IGFBP7: variants seen among roughly 807,000 people sequenced by gnomAD.
IGFBP7 encodes the protein insulin-like growth factor-binding protein 7.
IGFBP7 carries 31 observed loss-of-function variants against 29.4 expected under a neutral mutation model. The observed-to-expected ratio is 1.05, with a 90% CI of 0.79 to 1.42. The LOEUF (loss-of-function observed/expected upper bound fraction) is 1.42. IGFBP7 is among the 40% of genes most tolerant of loss of function. The probability of loss-of-function intolerance (pLI) is 0.00; values close to 1 mark genes in which losing one functional copy is unlikely to be tolerated. For synonymous variants in IGFBP7, 172 were observed against 174.9 expected (o/e 0.98, Z 0.13); for missense variants, 393 against 395.5 (o/e 0.99, Z 0.05).
chr4:57,040,750 A>T, intron 2 of IGFBP7, 74 bp downstream of exon 2: 1 of 1,081,802 alleles, frequency 9.2e-7, no homozygotes, highest in South Asian at 1.3e-5. Flanking sequence ...TGAGGATTTA[A>T]CGTTTTACCA....
intron 1 of IGFBP7, among the ~76,000 whole-genome samples, chr4:57,092,825 T>G (rs912548741): frequency 1.3e-5 from 2 of 151,068 alleles, no homozygotes; most frequent in African/African-American, 4.8e-5. Context: ...TTCATTCAAA[T>G]TATTACAAAT....
intron 1 of IGFBP7, among the ~76,000 whole-genome samples, chr4:57,062,751 A>G (rs1185558464): frequency 6.6e-6 from 1 of 152,216 alleles, no homozygotes; most frequent in South Asian, 2.1e-4. Context: ...CTTGTATGGC[A>G]GGAATCCTAG....
chr4:57,058,192 C>T (rs1713954), intron 1 of IGFBP7, among the ~76,000 whole-genome samples: 94,532 of 152,046 alleles, frequency 0.62, 29,861 homozygotes, highest in East Asian at 0.9. Flanking sequence ...GCTAGCTTTC[C>T]TCAATGGCTT....
At chr4:57,049,031 T>C (rs940899267) in intron 1 of IGFBP7, among the ~76,000 whole-genome samples, 2 of 152,186 alleles carry the variant, frequency 1.3e-5, no homozygotes, top group African/African-American at 4.8e-5. Context: ...TTCTGAAGTC[T>C]CACTGTCTGG....
intron 1 of IGFBP7, among the ~76,000 whole-genome samples, chr4:57,078,175 T>G (rs1431250577): frequency 6.6e-6 from 1 of 152,120 alleles, no homozygotes; most frequent in Non-Finnish European, 1.5e-5. Context: ...ACCTGTTCAC[T>G]GACTGCTCAC....
intron 1 of IGFBP7, among the ~76,000 whole-genome samples, chr4:57,091,327 T>C (rs1725631028): frequency 6.6e-6 from 1 of 152,160 alleles, no homozygotes; most frequent in Non-Finnish European, 1.5e-5. Flanking sequence ...GAGTGAAGCA[T>C]ATTTATGTTT....
chr4:57,069,323 T>G (rs926971554), intron 1 of IGFBP7, among the ~76,000 whole-genome samples: 4 of 152,134 alleles, frequency 2.6e-5, no homozygotes, highest in African/African-American at 9.7e-5. Context: ...GGGTGATGGC[T>G]CATGCCTATA....
At chr4:57,040,731 A>G in intron 2 of IGFBP7, 93 bp downstream of exon 2, 1 of 948,242 alleles carries the variant, frequency 1.1e-6, no homozygotes, top group Non-Finnish European at 1.7e-6. Flanking sequence ...CGCAGTCAAC[A>G]AAGCAGGCTG....
intron 1 of IGFBP7, among the ~76,000 whole-genome samples, chr4:57,046,577 G>A (rs1026465318): frequency 3.3e-5 from 5 of 152,126 alleles, no homozygotes; most frequent in Non-Finnish European, 7.4e-5. Context: ...TTTGGATTCC[G>A]TTTAAAACAG....
At chr4:57,108,669 G>GT (rs1185090825) in intron 1 of IGFBP7, among the ~76,000 whole-genome samples, 1 of 151,898 alleles carries the variant, frequency 6.6e-6, no homozygotes. Context: ...AGCCTCCTGA[G>GT]TAGCTGTGAT....
At chr4:57,108,301 A>G (rs531605593) in intron 1 of IGFBP7, among the ~76,000 whole-genome samples, 100 of 152,310 alleles carry the variant, frequency 6.6e-4, no homozygotes, top group African/African-American at 2.3e-3. Flanking sequence ...AGCTCTAAAG[A>G]AAGAATTTGG....
intron 1 of IGFBP7, among the ~76,000 whole-genome samples, chr4:57,107,733 C>T (rs1726067920): frequency 6.6e-6 from 1 of 152,200 alleles, no homozygotes; most frequent in East Asian, 1.9e-4. Flanking sequence ...TAACATTTCC[C>T]CAAATATAAA....
At chr4:57,056,565 G>C (rs1313410716) in intron 1 of IGFBP7, among the ~76,000 whole-genome samples, 1 of 152,198 alleles carries the variant, frequency 6.6e-6, no homozygotes, top group Non-Finnish European at 1.5e-5. Flanking sequence ...TGAAATCAGG[G>C]AAATGGGGAT....
intron 1 of IGFBP7, among the ~76,000 whole-genome samples, chr4:57,087,366 C>T (rs2412787): frequency 0.93 from 142,251 of 152,318 alleles, 66,472 homozygotes; most frequent in Middle Eastern, 0.98. Context: ...CACTGCCAAC[C>T]CTTGAGTACC....
intron 1 of IGFBP7, among the ~76,000 whole-genome samples, chr4:57,104,285 C>T (rs1368288328): frequency 6.6e-6 from 1 of 152,134 alleles, no homozygotes; most frequent in African/African-American, 2.4e-5. Context: ...AGCTCTTCTC[C>T]ACCCAATTCC....
intron 1 of IGFBP7, among the ~76,000 whole-genome samples, chr4:57,105,496 G>C (rs1411443479): frequency 6.6e-6 from 1 of 152,170 alleles, no homozygotes; most frequent in African/African-American, 2.4e-5. Flanking sequence ...CTTTGATGTT[G>C]AATAATGACA....
At chr4:57,032,832 T>C (rs1367602699) in intron 3 of IGFBP7, among the ~76,000 whole-genome samples, 1 of 152,250 alleles carries the variant, frequency 6.6e-6, no homozygotes, top group African/African-American at 2.4e-5. Flanking sequence ...GCAACCTTGA[T>C]AAGGGTATAT....
rs2109813171 is a variant in IGFBP7, at chr4:57,110,215, A to G, written c.137T>C (p.Leu46Pro). 7.3e-7 allele frequency: 1 copy of G among 1,378,852 alleles called. No individual in the cohort carries two copies. The highest frequency in any genetic ancestry group is 3.1e-5 in the East Asian group (1 of 32,418). The allele number at this position is 1,378,852 out of a possible 1,614,324, so 85.4% of individuals were successfully genotyped here. A position where few individuals can be genotyped will look rare whatever the true frequency, so the allele number is the denominator to read the frequency against. The change falls in exon 1 of 5, where the codon CTG becomes CCG. Residue 46 changes from leucine (L) to proline (P), a missense_variant. Coordinates refer to ENST00000295666, the MANE Select transcript of IGFBP7 (RefSeq NM_001553.3). ...GCGGGTCTCGCCCAGCAGGCAGCCC[A>G]GCGGGGGCAGGGGCGGGCAGGAGGC... is the stretch of plus-strand genomic sequence containing the variant. ...EPASCPPLPP[L>P]GCLLGETRDA... is the part of the protein sequence containing the mutation.
intron 1 of IGFBP7, among the ~76,000 whole-genome samples, chr4:57,079,613 A>T (rs1279471061): frequency 2.0e-5 from 3 of 152,254 alleles, no homozygotes; most frequent in African/African-American, 7.2e-5. Flanking sequence ...AAGTAATAGA[A>T]AATGAAATGC....
Sources: gnomAD v4.1 joint callset for allele counts (sites outside exome capture counted in the v4.1 genomes callset) on GRCh38, gnomAD v4.1.1 for gene constraint, MANE v1.5 for transcripts, NCBI Gene and HGNC (gene_info 2026-07-23, HGNC 2026-07-21) for gene names.